CEACAM4: variants seen among roughly 807,000 people sequenced by gnomAD.
CEACAM4 encodes the protein CEA cell adhesion molecule 4.
CEACAM4 carries 30 observed loss-of-function variants against 28.7 expected under a neutral mutation model. The observed-to-expected ratio is 1.05, with a 90% CI of 0.78 to 1.42. The LOEUF (loss-of-function observed/expected upper bound fraction) is 1.42, where lower values mean the gene tolerates loss of function less well. CEACAM4 is among the 40% of genes most tolerant of loss of function. The pLI, the probability that CEACAM4 is intolerant of heterozygous loss-of-function variation, is 0.00. For synonymous variants in CEACAM4, 143 were observed against 126.5 expected (o/e 1.13, Z -0.87); for missense variants, 330 against 308.2 (o/e 1.07, Z -0.53).
chr19:41,625,471 C>T, intron 2 of CEACAM4, 130 bp downstream of exon 2: 1 of 1,074,610 alleles, frequency 9.3e-7, no homozygotes, highest in Non-Finnish European at 1.4e-6. Flanking sequence ...GTGTGTCCTG[C>T]ACTAAATGCC....
chr19:41,620,516 G>A, intron 4 of CEACAM4, 59 bp downstream of exon 4: 2 of 1,429,610 alleles, frequency 1.4e-6, no homozygotes, highest in Non-Finnish European at 1.9e-6. Flanking sequence ...TGACTGGCAG[G>A]AGTGGACACC....
intron 2 of CEACAM4, among the ~76,000 whole-genome samples, chr19:41,622,861 G>T (rs868927914): frequency 7.4e-4 from 88 of 119,322 alleles, no homozygotes; most frequent in African/African-American, 3.8e-3. Flanking sequence ...TATATAGATA[G>T]ATAGATAGAT....
intron 1 of CEACAM4, among the ~76,000 whole-genome samples, chr19:41,626,505 C>T (rs1555804264): frequency 6.6e-6 from 1 of 152,222 alleles, no homozygotes; most frequent in African/African-American, 2.4e-5. Flanking sequence ...TGAGCATTCT[C>T]AGGGCCTCCA....
chr19:41,619,136 ACCCAGAG>A lies in CEACAM4; in HGVS notation c.*187_*193del, dbSNP rs2071092495. The A allele has an allele frequency of 1.7e-6, 1 of 588,850 alleles. No homozygotes were observed. Among genetic ancestry groups the A allele is most frequent in the South Asian group, 2.2e-5 (1 of 46,460 alleles). 36.5% of individuals were successfully genotyped at this position (588,850 alleles called of 1,614,324 possible). ...TGATGAGAGGCCTTTGTCCCGGCCC[ACCCAGAG>A]CCCAGGGCAACCTGTCAGGGTCTCC... On this transcript the variant is annotated 3_prime_UTR_variant, in exon 7 of 7. Transcript: ENST00000221954.
chr19:41,621,141 A>C (rs2071261228), intron 3 of CEACAM4, among the ~76,000 whole-genome samples: 1 of 152,102 alleles, frequency 6.6e-6, no homozygotes, highest in Non-Finnish European at 1.5e-5. Flanking sequence ...GGCAAGAGAC[A>C]TAAAGGACAG....
At chr19:41,624,967 A>G (rs1228794521) in intron 2 of CEACAM4, among the ~76,000 whole-genome samples, 1 of 152,158 alleles carries the variant, frequency 6.6e-6, no homozygotes. Context: ...CCCCTGGGCC[A>G]CTGACTGCCC....
rs1483315418 is a variant in CEACAM4 at position 41,625,219 on chromosome 19, C to T, written c.424+382G>A. On this transcript the variant is annotated intron_variant, in intron 2 of 6. Transcript: ENST00000221954. Reference sequence around the variant, plus strand: ...CACCCCAGCCCTGACACAGGCTTCCCGGGGTCACACGGAGTCAGGAGTCCT... The same window carrying T: ...CACCCCAGCCCTGACACAGGCTTCCTGGGGTCACACGGAGTCAGGAGTCCT... Among the ~76,000 whole-genome samples the T allele has an allele frequency of 3.3e-5, 5 of 152,294 alleles. No homozygotes were observed. The South Asian group carries it at 6.2e-4, about 19-fold the overall frequency.
chr19:41,620,661 G>A, intron 3 of CEACAM4, 34 bp from the exon 4 acceptor site: 9 of 1,591,360 alleles, frequency 5.7e-6, no homozygotes, highest in East Asian at 2.2e-5. Flanking sequence ...TGAGGGTGCA[G>A]GGAGAAATCA....
At chr19:41,614,661 A>C (rs1555798605), downstream of CEACAM4, among the ~76,000 whole-genome samples, 1 of 152,158 alleles carries the variant, frequency 6.6e-6, no homozygotes, top group Non-Finnish European at 1.5e-5. Flanking sequence ...GCCCTGAGAT[A>C]TCCTAAGCAG....
downstream of CEACAM4, among the ~76,000 whole-genome samples, chr19:41,614,422 G>A (rs6508987): frequency 0.47 from 71,081 of 151,990 alleles, 17,764 homozygotes; most frequent in African/African-American, 0.66. Flanking sequence ...GTTAAACATG[G>A]TGAGGTCAAT....
At chr19:41,615,384 C>CA (rs1568638149), downstream of CEACAM4, among the ~76,000 whole-genome samples, 2 of 152,116 alleles carry the variant, frequency 1.3e-5, no homozygotes, top group South Asian at 4.2e-4. Context: ...GAGGACACCC[C>CA]TGCGCAGTGA....
In CEACAM4 at chr19:41,619,178, G is replaced by GCA; in HGVS notation, c.*150_*151dup. 1 of 677,046 alleles carries GCA rather than the reference G, an allele frequency of 1.5e-6. No individual in the cohort carries two copies. The highest frequency in any genetic ancestry group is 1.7e-5 in the South Asian group (1 of 58,274). 41.9% of individuals were successfully genotyped at this position (677,046 alleles called of 1,614,324 possible). ...ACCTGTCAGGGTCTCCAGATATTCA[G>GCA]CAGGGACTCCCATCCCTCCCTGTCC... On this transcript the variant is annotated 3_prime_UTR_variant, in exon 7 of 7. Transcript: ENST00000221954.
downstream of CEACAM4, among the ~76,000 whole-genome samples, chr19:41,615,413 C>A (rs570315862): frequency 4.1e-4 from 62 of 152,036 alleles, no homozygotes; most frequent in African/African-American, 1.3e-3. Context: ...GTGTGTGGAG[C>A]CACAGGTATC....
chr19:41,615,836 G>A (rs1434426172), downstream of CEACAM4, among the ~76,000 whole-genome samples: 1 of 152,162 alleles, frequency 6.6e-6, no homozygotes, highest in African/African-American at 2.4e-5. Context: ...GGATGGGTTG[G>A]ACCTGTGCCT....
rs151282337 is a variant in CEACAM4, at chr19:41,622,130, T to C, written c.425-362A>G. On this transcript the variant is annotated intron_variant, in intron 2 of 6. Transcript: ENST00000221954. Reference sequence around the variant, plus strand: ...TCTTGCTCTGTCACCCAGACTGGAGTGCACTGACGCAATCTCGGCTCACTG... The same window carrying C: ...TCTTGCTCTGTCACCCAGACTGGAGCGCACTGACGCAATCTCGGCTCACTG... Among the ~76,000 whole-genome samples, 23 of 151,982 alleles carry C rather than the reference T, an allele frequency of 1.5e-4. 1 individual carries two copies. The highest frequency in any genetic ancestry group is 3.4e-3 in the Middle Eastern group (1 of 294).
At chr19:41,619,544 G>A (rs782693480) in intron 6 of CEACAM4, 126 bp downstream of exon 6, 7 of 1,540,298 alleles carry the variant, frequency 4.5e-6, no homozygotes, top group Non-Finnish European at 5.3e-6. Flanking sequence ...TCCCTCCTCT[G>A]CTCACCACCA....
Position 41,627,012 on chromosome 19 carries a change from A to T in CEACAM4, c.-49T>A. On this transcript the variant is annotated 5_prime_UTR_variant, in exon 1 of 7. Coordinates refer to ENST00000221954, the MANE Select transcript of CEACAM4 (RefSeq NM_001817.4). ...CTGTGGAGAGGAGCTGGGCTCCAGGAACGCTCTTGTCAGAGCTGCTGTGAC... is the reference window on the plus strand; with the variant it reads ...CTGTGGAGAGGAGCTGGGCTCCAGGTACGCTCTTGTCAGAGCTGCTGTGAC... The T allele has an allele frequency of 2.6e-6, 4 of 1,527,172 alleles. No individual in the cohort carries two copies. Among genetic ancestry groups the T allele is most frequent in the Non-Finnish European group, 3.6e-6 (4 of 1,122,944 alleles). 94.6% of individuals were successfully genotyped at this position (1,527,172 alleles called of 1,614,324 possible). A position where few individuals can be genotyped will look rare whatever the true frequency, so the allele number is the denominator to read the frequency against.
At chr19:41,623,903 G>A (rs1455373926) in intron 2 of CEACAM4, among the ~76,000 whole-genome samples, 3 of 152,150 alleles carry the variant, frequency 2.0e-5, no homozygotes, top group Admixed American at 1.3e-4. Flanking sequence ...TAAGGCAAAC[G>A]TGTGGGACTA....
At chr19:41,618,124 G>T (rs1472571767), downstream of CEACAM4, among the ~76,000 whole-genome samples, 1 of 146,838 alleles carries the variant, frequency 6.8e-6, no homozygotes, top group Non-Finnish European at 1.5e-5. Context: ...CACCCTTCCA[G>T]GGGCCCTCAG....
Sources: allele counts gnomAD v4.1 joint callset (sites outside exome capture counted in the v4.1 genomes callset), GRCh38; gene constraint gnomAD v4.1.1; transcripts MANE v1.5; gene names NCBI Gene and HGNC (gene_info 2026-07-23, HGNC 2026-07-21).